Variants in VPS13C observed in about 807,000 individuals in gnomAD.
VPS13C encodes intermembrane lipid transfer protein VPS13C.
Under a neutral mutation model 456.8 loss-of-function variants are expected in VPS13C, and 358 were observed. That is an observed-to-expected ratio of 0.78 (90% CI 0.72 to 0.86). The LOEUF is 0.86. Ranked by LOEUF, VPS13C falls within the 40% of genes least tolerant of loss-of-function variation. The pLI is 0.00. For synonymous variants in VPS13C, 1,578 were observed against 1,486.7 expected (o/e 1.06, Z -1.41); for missense variants, 4,818 against 4,385.4 (o/e 1.10, Z -2.79).
chr15:62,044,989 T>C (rs976293468), intron 1 of VPS13C, among the ~76,000 whole-genome samples: 1 of 152,166 alleles, frequency 6.6e-6, no homozygotes, highest in Non-Finnish European at 1.5e-5. Flanking sequence ...TAATCATTTA[T>C]GACACATATA....
chr15:61,920,318 C>T lies in VPS13C; in HGVS notation c.7226G>A (p.Gly2409Asp), dbSNP rs747167117. The change falls in exon 57 of 85, where the codon GGC (glycine) becomes GAC (aspartate). Residue 2409 changes from glycine to aspartate, a missense_variant. Coordinates refer to ENST00000644861, the MANE Select transcript of VPS13C (RefSeq NM_020821.3). The stretch of plus-strand genomic sequence containing the variant: ...AGAGTAGTCAAAAGTAGAAGCAGTG[C>T]CCTCTGAAAAACCCTGAAAAGGAAC... ...FNNLAKGFSE[G>D]TASTFDYSLK... 4 of 1,596,164 alleles carry T rather than the reference C, an allele frequency of 2.5e-6. No individual in the cohort carries two copies. The highest frequency in any genetic ancestry group is 3.4e-6 in the Non-Finnish European group (4 of 1,168,442).
intron 67 of VPS13C, among the ~76,000 whole-genome samples, chr15:61,888,124 C>T (rs897684177): frequency 1.3e-5 from 2 of 151,908 alleles, no homozygotes; most frequent in African/African-American, 2.4e-5. Context: ...ATCAGAAAAC[C>T]GCAAAGTAAA....
At chr15:61,861,205 C>T (rs549413938) in intron 82 of VPS13C, among the ~76,000 whole-genome samples, 18 of 152,016 alleles carry the variant, frequency 1.2e-4, no homozygotes, top group Admixed American at 3.3e-4. Flanking sequence ...TCAAGTGATC[C>T]GCCCGCCTCG....
At chr15:62,037,255 ATATATAT>A (rs2048048299) in intron 3 of VPS13C, among the ~76,000 whole-genome samples, 1 of 25,820 alleles carries the variant, frequency 3.9e-5, no homozygotes, top group South Asian at 7.2e-4. Flanking sequence ...TAATATATTT[ATATATAT>A]TATATTATAT....
In VPS13C at chr15:61,978,504, G is replaced by A. The variant is rs908969021; in HGVS notation, c.2290+122C>T. 6.7e-6 allele frequency: 8 copies of A among 1,199,482 alleles called. No individual in the cohort carries two copies. In the African/African-American group the frequency reaches 1.2e-4, roughly 19 times the overall value. 74.3% of individuals were successfully genotyped at this position (1,199,482 alleles called of 1,614,324 possible). The stretch of plus-strand genomic sequence containing the variant: ...GTGTCCTACATGGTTTATTTAAGCA[G>A]CCAAAAGAATATGTGTGCAAAATGG... On this transcript the variant is annotated intron_variant, in intron 23 of 84. Transcript: ENST00000644861.
intron 47 of VPS13C, among the ~76,000 whole-genome samples, chr15:61,937,792 C>A (rs769080530): frequency 1.6e-4 from 25 of 151,844 alleles, no homozygotes; most frequent in Non-Finnish European, 2.8e-4. Flanking sequence ...GGCATAATAC[C>A]AACTTTCTCA....
chr15:61,900,790 CCG>C (rs2042973727), intron 66 of VPS13C, among the ~76,000 whole-genome samples: 1 of 151,638 alleles, frequency 6.6e-6, no homozygotes, highest in Non-Finnish European at 1.5e-5. Flanking sequence ...AAAAAAGAGC[CCG>C]CATTGCCAAG....
At chr15:61,947,886 T>C (rs998337290) in intron 42 of VPS13C, among the ~76,000 whole-genome samples, 3 of 152,154 alleles carry the variant, frequency 2.0e-5, no homozygotes, top group Non-Finnish European at 4.4e-5. Flanking sequence ...AAAAAAAATT[T>C]ATAATGTATA....
chr15:61,894,093 G>A (rs1382460317), intron 66 of VPS13C, among the ~76,000 whole-genome samples: 3 of 152,028 alleles, frequency 2.0e-5, no homozygotes, highest in African/African-American at 7.2e-5. Flanking sequence ...ATTGTCTGAG[G>A]TCAAGAGTTT....
chr15:61,991,887 T>TC, intron 16 of VPS13C, 85 bp from the exon 17 acceptor site: 3 of 1,414,478 alleles, frequency 2.1e-6, no homozygotes, highest in East Asian at 2.4e-5. Flanking sequence ...AAACAATGGT[T>TC]CTTTTTTTTT....
At chr15:62,049,027 C>T (rs952464671) in intron 1 of VPS13C, among the ~76,000 whole-genome samples, 26 of 150,240 alleles carry the variant, frequency 1.7e-4, no homozygotes, top group African/African-American at 5.3e-4. Flanking sequence ...GAGTAGGTTG[C>T]GAAAATTTTC....
intron 77 of VPS13C, among the ~76,000 whole-genome samples, 163 bp from the exon 78 acceptor site, chr15:61,873,572 C>T (rs910291050): frequency 6.6e-6 from 1 of 151,886 alleles, no homozygotes; most frequent in Non-Finnish European, 1.5e-5. Context: ...AAAAAATGTT[C>T]AAGATCAATA....
chr15:62,013,000 G>T, intron 11 of VPS13C, 39 bp downstream of exon 11: 2 of 1,503,040 alleles, frequency 1.3e-6, no homozygotes, highest in Non-Finnish European at 9.2e-7. Flanking sequence ...TTTAGGGATG[G>T]GAGTGAAGTT....
At chr15:61,973,806 A>G (rs2045625025) in intron 25 of VPS13C, among the ~76,000 whole-genome samples, 1 of 152,112 alleles carries the variant, frequency 6.6e-6, no homozygotes, top group Non-Finnish European at 1.5e-5. Flanking sequence ...ACTGTATATC[A>G]TTTACATTCT....
intron 45 of VPS13C, 30 bp downstream of exon 45, chr15:61,945,685 T>C: frequency 1.3e-6 from 2 of 1,529,690 alleles, no homozygotes; most frequent in South Asian, 2.6e-5. Context: ...TAGGCCTCAG[T>C]GAGGAATAAA....
chr15:62,038,095 A>T lies in VPS13C; in HGVS notation c.188-3043T>A, dbSNP rs572865061. Among the ~76,000 whole-genome samples, 5 of 152,320 alleles carry T rather than the reference A, an allele frequency of 3.3e-5. No homozygotes were observed. The South Asian group carries it at 1.0e-3, about 32-fold the overall frequency. On this transcript the variant is annotated intron_variant, in intron 3 of 84. Transcript: ENST00000644861. ...TTGGGAGAAAGGATGTAGCATAAGTAAAATTATAGGAGTAAGCCATCTTGG... is the reference window on the plus strand; with the variant it reads ...TTGGGAGAAAGGATGTAGCATAAGTTAAATTATAGGAGTAAGCCATCTTGG...
chr15:61,896,802 C>G (rs954254467), intron 66 of VPS13C, among the ~76,000 whole-genome samples: 7 of 152,262 alleles, frequency 4.6e-5, no homozygotes, highest in African/African-American at 1.4e-4. Context: ...GGGGGCAGGG[C>G]ACAGACAAAC....
chr15:62,018,270 C>T (rs1157081661), intron 9 of VPS13C, among the ~76,000 whole-genome samples: 1 of 152,000 alleles, frequency 6.6e-6, no homozygotes, highest in Admixed American at 6.6e-5. Flanking sequence ...TAATTGAATA[C>T]CCTTTATTTC....
At position 61,912,170 on chromosome 15, in the gene VPS13C, TTA is replaced by T. The variant is rs1237890833; in HGVS notation, c.8551-168_8551-167del. ...AAAAGATTATCTTCTGAGAAAAAAA[TTA>T]TAGTTCCTTAGTTTGGCTCCATCAG... On this transcript the variant is annotated intron_variant, in intron 62 of 84. Coordinates refer to ENST00000644861, the MANE Select transcript of VPS13C (RefSeq NM_020821.3). 3.9e-5 allele frequency among the ~76,000 whole-genome samples: 6 copies of T among 152,300 alleles called. No individual in the cohort carries two copies. The East Asian group carries it at 1.2e-3, about 29-fold the overall frequency.
Sources: allele counts gnomAD v4.1 joint callset (sites outside exome capture counted in the v4.1 genomes callset), GRCh38; gene constraint gnomAD v4.1.1; transcripts MANE v1.5; gene names NCBI Gene and HGNC (gene_info 2026-07-23, HGNC 2026-07-21).